CNNM1: variants seen among roughly 807,000 people sequenced by gnomAD.
CNNM1 encodes metal transporter CNNM1.
Under a neutral mutation model 78.8 loss-of-function variants are expected in CNNM1, and 44 were observed. The ratio of observed to expected loss-of-function variants is 0.56; its 90% CI spans 0.44 to 0.72. CNNM1 has a LOEUF of 0.72. CNNM1 is among the 30% of genes least tolerant of loss of function. The pLI is 0.00. For synonymous variants in CNNM1, 584 were observed against 581.5 expected, an observed-to-expected ratio of 1.00 and a Z score of -0.06; for missense variants, 1,101 against 1,292.2, an observed-to-expected ratio of 0.85 and a Z score of 2.27.
chr10:99,361,094 C>A, intron 3 of CNNM1, 119 bp downstream of exon 3: 1 of 1,157,620 alleles, frequency 8.6e-7, no homozygotes, highest in Non-Finnish European at 1.2e-6. Flanking sequence ...CTGAGAAGCA[C>A]TGTTCTAGGA....
intron 1 of CNNM1, among the ~76,000 whole-genome samples, chr10:99,340,964 G>A (rs2134019847): frequency 6.6e-6 from 1 of 151,816 alleles, no homozygotes; most frequent in South Asian, 2.1e-4. Flanking sequence ...GAGATGCAGT[G>A]TGGACAAGAC....
chr10:99,343,704 T>TA, intron 1 of CNNM1, among the ~76,000 whole-genome samples: 1 of 151,834 alleles, frequency 6.6e-6, no homozygotes. Flanking sequence ...GTCTTCCTTC[T>TA]TTTTTGTTTT....
At chr10:99,366,820 G>T (rs991556572) in intron 6 of CNNM1, among the ~76,000 whole-genome samples, 4 of 152,134 alleles carry the variant, frequency 2.6e-5, no homozygotes, top group Non-Finnish European at 4.4e-5. Context: ...GATGTTATCT[G>T]ATTTCTTCCT....
intron 6 of CNNM1, 88 bp downstream of exon 6, chr10:99,365,090 C>T: frequency 1.5e-6 from 2 of 1,372,778 alleles, no homozygotes; most frequent in Non-Finnish European, 2.1e-6. Flanking sequence ...CACTTTGAGC[C>T]TGGGCTGGGG....
intron 6 of CNNM1, among the ~76,000 whole-genome samples, chr10:99,374,447 T>C (rs1464107669): frequency 6.6e-6 from 1 of 152,206 alleles, no homozygotes; most frequent in Non-Finnish European, 1.5e-5. Context: ...CTTGATGCCC[T>C]TTGATTCTAG....
chr10:99,339,210 C>T (rs527430086), intron 1 of CNNM1, among the ~76,000 whole-genome samples: 73 of 152,350 alleles, frequency 4.8e-4, no homozygotes, highest in African/African-American at 1.7e-3. Flanking sequence ...CAGCCTACTG[C>T]ACAATCCATA....
chr10:99,357,424 C>A, intron 1 of CNNM1, 88 bp from the exon 2 acceptor site: 1 of 1,380,348 alleles, frequency 7.2e-7, no homozygotes, highest in South Asian at 1.5e-5. Context: ...TGAGATTGGT[C>A]AGACAGCAAC....
chr10:99,359,480 C>A (rs2031351176), intron 2 of CNNM1, among the ~76,000 whole-genome samples: 1 of 152,164 alleles, frequency 6.6e-6, no homozygotes, highest in Non-Finnish European at 1.5e-5. Flanking sequence ...ACCCTGACCT[C>A]TTACGTGATC....
intron 1 of CNNM1, among the ~76,000 whole-genome samples, chr10:99,334,651 A>AAAAT (rs1292640996): frequency 3.3e-5 from 5 of 152,258 alleles, no homozygotes; most frequent in African/African-American, 4.8e-5. Flanking sequence ...ACTCTGTCTC[A>AAAAT]AAATAAATAA....
chr10:99,340,599 A>G (rs1280078849), intron 1 of CNNM1, among the ~76,000 whole-genome samples: 2 of 152,054 alleles, frequency 1.3e-5, no homozygotes, highest in African/African-American at 2.4e-5. Context: ...TTCTAGGCCC[A>G]TGTTTGGGGA....
rs67360569 is a variant in CNNM1, at chr10:99,356,604, GAA to G, written c.1574-905_1574-904del. Among the ~76,000 whole-genome samples, 6 of 64,760 alleles carry G rather than the reference GAA, an allele frequency of 9.3e-5. No homozygotes were observed. In the East Asian group the frequency reaches 1.6e-3, roughly 18 times the overall value. 42.5% of individuals were successfully genotyped at this position (64,760 alleles called of 152,430 possible). On this transcript the variant is annotated intron_variant, in intron 1 of 10. Coordinates refer to ENST00000356713, the MANE Select transcript of CNNM1 (RefSeq NM_020348.3). ...AGAAAGAAAGAAAGAAAGAAAGAAA[GAA>G]AAGAAAGAAAGAAAGAAAAGAAAAG...
Position 99,393,239 on chromosome 10 carries a change from C to T in CNNM1, c.*1723C>T, listed in dbSNP as rs1440058250. Reference sequence around the variant, plus strand: ...CAAAACCCTCCCTCCCACCTCCCCACACCCATTGAGTCATTCACAGGCAGG... The same window carrying T: ...CAAAACCCTCCCTCCCACCTCCCCATACCCATTGAGTCATTCACAGGCAGG... On this transcript the variant is annotated 3_prime_UTR_variant, in exon 11 of 11. Transcript: ENST00000356713. 2 of 152,540 alleles carry T rather than the reference C, an allele frequency of 1.3e-5. No homozygotes were observed. The highest frequency in any genetic ancestry group is 2.9e-5 in the Non-Finnish European group (2 of 68,030). 9.4% of individuals were successfully genotyped at this position (152,540 alleles called of 1,614,324 possible).
chr10:99,362,049 A>G (rs1342896373), intron 3 of CNNM1, among the ~76,000 whole-genome samples, 178 bp from the exon 4 acceptor site: 1 of 152,202 alleles, frequency 6.6e-6, no homozygotes, highest in East Asian at 1.9e-4. Flanking sequence ...CCTGAGATGC[A>G]CACTTGGGAT....
In CNNM1 at chr10:99,359,497, C is replaced by CCTGGGT. The variant is rs1271410170; in HGVS notation, c.1718-1328_1718-1323dup. Among the ~76,000 whole-genome samples, 6 of 152,290 alleles carry CCTGGGT rather than the reference C, an allele frequency of 3.9e-5. No individual in the cohort carries two copies. In the South Asian group the frequency reaches 1.0e-3, roughly 26 times the overall value. ...CCTGACCTCTTACGTGATCTGGACA[C>CCTGGGT]CTGGGTCTGGGTCTGCCCATTGTGA... On this transcript the variant is annotated intron_variant, in intron 2 of 10. Coordinates refer to ENST00000356713, the MANE Select transcript of CNNM1 (RefSeq NM_020348.3).
intron 7 of CNNM1, 60 bp downstream of exon 7, chr10:99,377,278 G>T (rs143616222): frequency 3.3e-6 from 5 of 1,516,690 alleles, no homozygotes; most frequent in East Asian, 4.6e-5. Context: ...CTGGCTGAGC[G>T]GGACAAGAAG....
chr10:99,340,757 TTCTTTC>T (rs933918718), intron 1 of CNNM1, among the ~76,000 whole-genome samples: 2 of 150,220 alleles, frequency 1.3e-5, no homozygotes, highest in Admixed American at 6.6e-5. Flanking sequence ...TCTTCTTTCT[TTCTTTC>T]TCTCTCTCTT....
chr10:99,373,196 G>C (rs917482164), intron 6 of CNNM1, among the ~76,000 whole-genome samples: 6 of 152,188 alleles, frequency 3.9e-5, no homozygotes, highest in Non-Finnish European at 1.5e-5. Flanking sequence ...AACATATCTT[G>C]AATTGTGACA....
chr10:99,374,044 G>T (rs1303646636), intron 6 of CNNM1, among the ~76,000 whole-genome samples: 1 of 152,284 alleles, frequency 6.6e-6, no homozygotes, highest in East Asian at 1.9e-4. Context: ...ACACGTACAG[G>T]TATCTTTTTT....
chr10:99,341,139 G>A (rs961556114), intron 1 of CNNM1, among the ~76,000 whole-genome samples: 13 of 152,186 alleles, frequency 8.5e-5, no homozygotes, highest in African/African-American at 2.9e-4. Flanking sequence ...TTGCCAAGTG[G>A]TATTTGAGCT....
Sources: gnomAD v4.1 joint callset for allele counts (sites outside exome capture counted in the v4.1 genomes callset) on GRCh38, gnomAD v4.1.1 for gene constraint, MANE v1.5 for transcripts, NCBI Gene and HGNC (gene_info 2026-07-23, HGNC 2026-07-21) for gene names.